KIF13B: variants seen among roughly 807,000 people sequenced by gnomAD.
KIF13B encodes kinesin family member 13B, also known as kinesin-like protein KIF13B.
KIF13B carries 127 observed loss-of-function variants against 222.0 expected under a neutral mutation model. That is an observed-to-expected ratio of 0.57 (90% CI 0.50 to 0.66). The LOEUF (loss-of-function observed/expected upper bound fraction) is 0.66. Ranked by LOEUF, KIF13B falls within the 30% of genes least tolerant of loss-of-function variation. KIF13B has a pLI of 0.00. For synonymous variants in KIF13B, 976 were observed against 919.0 expected (o/e 1.06, Z -1.12); for missense variants, 2,173 against 2,379.0 (o/e 0.91, Z 1.80).
intron 10 of KIF13B, among the ~76,000 whole-genome samples, chr8:29,168,968 C>T (rs1037550357): frequency 6.6e-6 from 1 of 152,174 alleles, no homozygotes; most frequent in African/African-American, 2.4e-5. Context: ...ATTGAATATA[C>T]TCTTTTTAGG....
At chr8:29,143,683 T>A (rs1417076438) in intron 18 of KIF13B, among the ~76,000 whole-genome samples, 2 of 151,956 alleles carry the variant, frequency 1.3e-5, no homozygotes, top group Non-Finnish European at 2.9e-5. Context: ...CCGTCTCTAC[T>A]AAAAATACAA....
chr8:29,120,998 A>C lies in KIF13B; in HGVS notation c.3535+1593T>G, dbSNP rs1358442712. Among the ~76,000 whole-genome samples, 100 of 112,416 alleles carry C rather than the reference A, an allele frequency of 8.9e-4. 1 individual carries two copies. The highest frequency in any genetic ancestry group is 1.6e-3 in the Non-Finnish European group (87 of 55,062). The allele number at this position is 112,416 out of a possible 152,430, so 73.7% of individuals were successfully genotyped here. On this transcript the variant is annotated intron_variant, in intron 29 of 39. Coordinates refer to ENST00000524189, the MANE Select transcript of KIF13B (RefSeq NM_015254.4). ...GTCTTCTTTTGAGAAGTGTCTGTTC[A>C]TGTCCTTCGCCCACTTTTTGATGGG... is the stretch of plus-strand genomic sequence containing the variant.
chr8:29,122,887 T>C (rs1358583965), intron 28 of KIF13B, among the ~76,000 whole-genome samples: 1 of 152,250 alleles, frequency 6.6e-6, no homozygotes, highest in Admixed American at 6.5e-5. Context: ...GAAGTTCTCT[T>C]GTTTAAACCT....
rs188120607 is a variant in KIF13B at position 29,083,192 on chromosome 8, T to G, written c.4459-7849A>C. The stretch of plus-strand genomic sequence containing the variant: ...ATGCGCTAAGAAATAAGAAATGGCT[T>G]TTACATTCTTAATGACTGAAACAAA... On this transcript the variant is annotated intron_variant, in intron 37 of 39. Transcript: ENST00000524189. Among the ~76,000 whole-genome samples the G allele has an allele frequency of 9.8e-5, 15 of 152,314 alleles. No homozygotes were observed. The East Asian group carries it at 2.1e-3, about 22-fold the overall frequency.
rs774054492 is a variant in KIF13B at position 29,070,454 on chromosome 8, G to T, written c.*50C>A. The T allele has an allele frequency of 1.3e-5, 21 of 1,590,392 alleles. No homozygotes were observed. The Middle Eastern group carries it at 5.2e-4, about 40-fold the overall frequency. Reference sequence around the variant, plus strand: ...GCTCCTCAGGGCTGTCACTGGCAGGGCTCAAAAGGGGCCGGGCACCCCCAG... The same window carrying T: ...GCTCCTCAGGGCTGTCACTGGCAGGTCTCAAAAGGGGCCGGGCACCCCCAG... On this transcript the variant is annotated 3_prime_UTR_variant, in exon 40 of 40. Coordinates refer to ENST00000524189, the MANE Select transcript of KIF13B (RefSeq NM_015254.4). This position sits in a 1 kb window ranked among gnomAD's most constrained non-coding sequence, Gnocchi z 4.1.
chr8:29,129,183 T>G (rs1477465012), intron 24 of KIF13B, among the ~76,000 whole-genome samples: 1 of 152,252 alleles, frequency 6.6e-6, no homozygotes, highest in Non-Finnish European at 1.5e-5. Context: ...AACATTTCTT[T>G]GAACACTTTT....
chr8:29,132,468 G>T lies in KIF13B; in HGVS notation c.2785-3C>A. ...TCGGTGATGTTAACAGAAAACTCCT[G>T]AAACACAACAGCTAATTACAGAAGA... On this transcript the variant is annotated splice_region_variant and splice_polypyrimidine_tract_variant and intron_variant, in intron 22 of 39. Transcript: ENST00000524189. 6.7e-7 allele frequency: 1 copy of T among 1,486,366 alleles called. No homozygotes were observed. Among genetic ancestry groups the T allele is most frequent in the Non-Finnish European group, 9.0e-7 (1 of 1,110,746 alleles). The allele number at this position is 1,486,366 out of a possible 1,614,324, so 92.1% of individuals were successfully genotyped here.
chr8:29,142,615 G>A (rs1195711967), intron 18 of KIF13B, among the ~76,000 whole-genome samples: 2 of 152,068 alleles, frequency 1.3e-5, no homozygotes, highest in Non-Finnish European at 2.9e-5. Context: ...CAAGGCAGGT[G>A]GATAACTTGA....
At chr8:29,122,766 C>T in intron 28 of KIF13B, 120 bp from the exon 29 acceptor site, 2 of 744,402 alleles carry the variant, frequency 2.7e-6, no homozygotes, top group Non-Finnish European at 4.6e-6. Flanking sequence ...TAACCCTGGC[C>T]CTGATTTTAC....
chr8:29,144,277 T>C (rs527644363), intron 18 of KIF13B, among the ~76,000 whole-genome samples: 8 of 152,256 alleles, frequency 5.3e-5, no homozygotes, highest in African/African-American at 1.7e-4. Flanking sequence ...TTTTTTTTAA[T>C]TGAGACAGAG....
chr8:29,194,136 T>C (rs1238078682), intron 3 of KIF13B, among the ~76,000 whole-genome samples: 2 of 152,088 alleles, frequency 1.3e-5, no homozygotes, highest in African/African-American at 4.8e-5. Context: ...AAATTTTTAC[T>C]TTTATTGTTG....
intron 2 of KIF13B, among the ~76,000 whole-genome samples, chr8:29,224,316 A>G (rs17456706): frequency 0.034 from 5,218 of 152,262 alleles, 123 homozygotes; most frequent in Non-Finnish European, 0.052. Flanking sequence ...GTTTTCTTAA[A>G]CATCAATACT....
chr8:29,160,586 AAAAG>A (rs1811732205), intron 13 of KIF13B, 143 bp downstream of exon 13: 8 of 543,674 alleles, frequency 1.5e-5, no homozygotes, highest in Non-Finnish European at 2.1e-5. Context: ...CAAAGACTAA[AAAAG>A]AAAACTGAGT....
At chr8:29,243,634 C>T (rs185282464) in intron 2 of KIF13B, among the ~76,000 whole-genome samples, 14 of 149,500 alleles carry the variant, frequency 9.4e-5, no homozygotes, top group South Asian at 2.1e-4. Flanking sequence ...TCAGCCTGGG[C>T]GACAGAGTGA....
chr8:29,089,290 T>C (rs757089391), intron 37 of KIF13B, among the ~76,000 whole-genome samples: 2 of 151,982 alleles, frequency 1.3e-5, no homozygotes, highest in African/African-American at 2.4e-5. Context: ...ATTTAAAAAG[T>C]TAGCTGGGCG....
intron 37 of KIF13B, among the ~76,000 whole-genome samples, chr8:29,079,228 G>A (rs773915322): frequency 4.6e-5 from 7 of 152,092 alleles, no homozygotes; most frequent in Non-Finnish European, 8.8e-5. Flanking sequence ...CTCCGCCCCC[G>A]TGGAATCGTG....
intron 12 of KIF13B, among the ~76,000 whole-genome samples, chr8:29,161,101 C>A (rs1277676812): frequency 2.0e-5 from 3 of 152,098 alleles, no homozygotes; most frequent in Non-Finnish European, 4.4e-5. Flanking sequence ...ACTAATTGTA[C>A]TAGTGATTCT....
chr8:29,125,351 A>G (rs1370817209), intron 26 of KIF13B, among the ~76,000 whole-genome samples: 1 of 152,200 alleles, frequency 6.6e-6, no homozygotes, highest in East Asian at 1.9e-4. Context: ...TGCTGCAGAT[A>G]TAGTGTGTCT....
At chr8:29,221,097 CTTTTTTTTT>C (rs60915605) in intron 2 of KIF13B, among the ~76,000 whole-genome samples, 15 of 112,798 alleles carry the variant, frequency 1.3e-4, no homozygotes, top group Non-Finnish European at 2.0e-4. Context: ...GAGCTGTGTT[CTTTTTTTTT>C]TTTTTTTTTT....
Sources: gnomAD v4.1 joint callset for allele counts (sites outside exome capture counted in the v4.1 genomes callset) on GRCh38, gnomAD v4.1.1 for gene constraint, Gnocchi (gnomAD v3.1) non-coding constraint, MANE v1.5 for transcripts, NCBI Gene and HGNC (gene_info 2026-07-23, HGNC 2026-07-21) for gene names.